The following TRIM62 variants were observed in gnomAD, a reference collection of about 807,000 sequenced individuals.
The protein encoded by TRIM62 is E3 ubiquitin-protein ligase TRIM62.
In TRIM62, 39 loss-of-function variants were observed where a neutral mutation model predicts 44.2. That is an observed-to-expected ratio of 0.88 (90% CI 0.68 to 1.15). The LOEUF (loss-of-function observed/expected upper bound fraction) is 1.15, where lower values mean the gene tolerates loss of function less well. Among genes scored for constraint, TRIM62 ranks in the 50% most tolerant of loss-of-function variants. TRIM62 has a pLI of 0.00. For synonymous variants in TRIM62, 278 were observed against 292.3 expected, an observed-to-expected ratio of 0.95 and a Z score of 0.50; for missense variants, 544 against 665.5, an observed-to-expected ratio of 0.82 and a Z score of 2.01.
rs1645030871 is a variant in TRIM62, at chr1:33,147,171, C to T, written c.*6G>A. 1 of 1,612,130 alleles carries T rather than the reference C, an allele frequency of 6.2e-7. No individual in the cohort carries two copies. Among genetic ancestry groups the T allele is most frequent in the South Asian group, 1.1e-5 (1 of 90,900 alleles). On this transcript the variant is annotated 3_prime_UTR_variant, in exon 5 of 5. Coordinates refer to ENST00000291416, the MANE Select transcript of TRIM62 (RefSeq NM_018207.3). This position sits in a 1 kb window ranked among gnomAD's most constrained non-coding sequence, Gnocchi z 8.1. Reference sequence around the variant, plus strand: ...CCCAGGAGGTTGTGGTCTCCTTCTGCCTGGACTAGATGCGGACGGTGTTGA... The same window carrying T: ...CCCAGGAGGTTGTGGTCTCCTTCTGTCTGGACTAGATGCGGACGGTGTTGA...
At chr1:33,150,580 A>G (rs1645082048) in intron 4 of TRIM62, among the ~76,000 whole-genome samples, 1 of 152,236 alleles carries the variant, frequency 6.6e-6, no homozygotes, top group South Asian at 2.1e-4. Context: ...TCCTCTGTCC[A>G]GGGACATAGA....
intron 4 of TRIM62, among the ~76,000 whole-genome samples, chr1:33,156,093 G>C (rs1645174749): frequency 6.6e-6 from 1 of 152,190 alleles, no homozygotes; most frequent in South Asian, 2.1e-4. Flanking sequence ...AGCAGAAGCT[G>C]GCTCTCAGCC....
intron 1 of TRIM62, among the ~76,000 whole-genome samples, chr1:33,174,846 A>T (rs1645401259): frequency 1.3e-5 from 2 of 152,032 alleles, no homozygotes; most frequent in South Asian, 4.1e-4. Context: ...GGCCCAACAC[A>T]GGGCTGGCCC....
At chr1:33,154,809 A>AAT (rs1039766444) in intron 4 of TRIM62, among the ~76,000 whole-genome samples, 2 of 117,292 alleles carry the variant, frequency 1.7e-5, no homozygotes, top group Non-Finnish European at 3.5e-5. Flanking sequence ...AAAAAAAAAA[A>AAT]GTGGCCAGGC....
intron 4 of TRIM62, among the ~76,000 whole-genome samples, chr1:33,153,262 A>G (rs1645128327): frequency 6.6e-6 from 1 of 152,176 alleles, no homozygotes. Context: ...CCCCACAGAC[A>G]AAGAAAGGGG....
Position 33,159,806 on chromosome 1 carries a change from C to T in TRIM62, c.643G>A (p.Val215Ile), listed in dbSNP as rs762716572. The stretch of plus-strand genomic sequence containing the variant: ...CGCAGCTGCTGGCTGTAGCGCTGGA[C>T]TTTCTGCTCGATGTCGGTCAGCGTG... The part of the protein sequence containing the change: ...ARTLTDIEQK[V>I]QRYSQQLRKV... The change falls in exon 3 of 5, where the codon GTC becomes ATC. Residue 215 changes from valine (V) to isoleucine (I), a missense_variant. Coordinates refer to ENST00000291416, the MANE Select transcript of TRIM62 (RefSeq NM_018207.3). The surrounding 1 kb of genome is among the most constrained non-coding windows in gnomAD (Gnocchi z 4.2). The T allele has an allele frequency of 6.2e-7, 1 of 1,613,930 alleles. No homozygotes were observed. The highest frequency in any genetic ancestry group is 8.5e-7 in the Non-Finnish European group (1 of 1,179,990).
rs916729754 is a variant in TRIM62, at chr1:33,167,921, G to C, written c.409-2355C>G. Among the ~76,000 whole-genome samples the C allele has an allele frequency of 3.3e-5, 5 of 152,210 alleles. No individual in the cohort carries two copies. The highest frequency in any genetic ancestry group is 1.2e-4 in the African/African-American group (5 of 41,442). On this transcript the variant is annotated intron_variant, in intron 1 of 4. Coordinates refer to ENST00000291416, the MANE Select transcript of TRIM62 (RefSeq NM_018207.3). The surrounding 1 kb of genome is among the most constrained non-coding windows in gnomAD (Gnocchi z 4.2). Reference sequence around the variant, plus strand: ...ACTATTATGTACCAGGCACTGTTGAGGCACTGGGATTATGGCGAAGGACAA... The same window carrying C: ...ACTATTATGTACCAGGCACTGTTGACGCACTGGGATTATGGCGAAGGACAA...
chr1:33,162,365 A>G (rs1423189232), intron 2 of TRIM62, among the ~76,000 whole-genome samples: 1 of 152,226 alleles, frequency 6.6e-6, no homozygotes, highest in Admixed American at 6.5e-5. Context: ...CCTAGCTTGA[A>G]AGTGACCTCT....
chr1:33,154,626 C>T (rs1011509555), intron 4 of TRIM62, among the ~76,000 whole-genome samples: 4 of 151,146 alleles, frequency 2.6e-5, no homozygotes, highest in African/African-American at 4.9e-5. Context: ...GGTGAAACAC[C>T]GTCTCTACTA....
rs370511473 is a variant in TRIM62 at position 33,169,531 on chromosome 1, CT to C, written c.409-3966del. Among the ~76,000 whole-genome samples, 7 of 152,266 alleles carry C rather than the reference CT, an allele frequency of 4.6e-5. No homozygotes were observed. In the East Asian group the frequency reaches 1.2e-3, roughly 25 times the overall value. Reference sequence around the variant, plus strand: ...AGGGCAGATGTATAAATGCTTCCCCCTCTCACTCTCCCCATTGTGCCAGTCT... The same window carrying C: ...AGGGCAGATGTATAAATGCTTCCCCCCTCACTCTCCCCATTGTGCCAGTCT... On this transcript the variant is annotated intron_variant, in intron 1 of 4. Transcript: ENST00000291416.
intron 1 of TRIM62, among the ~76,000 whole-genome samples, chr1:33,172,796 G>C (rs995015190): frequency 3.3e-5 from 5 of 152,144 alleles, no homozygotes; most frequent in Non-Finnish European, 7.4e-5. Context: ...TCTGGTCCAG[G>C]GGACAAAGCA....
At position 33,159,765 on chromosome 1, in the gene TRIM62, T is replaced by C; in HGVS notation, c.684A>G (p.Gly228=). Residue 228 remains glycine (G), a synonymous_variant, in exon 3 of 5, where the codon GGA becomes GGG. Transcript: ENST00000291416. The surrounding 1 kb of genome is among the most constrained non-coding windows in gnomAD (Gnocchi z 4.2). ...CCAGCCGCTCCTGCAGGATCTGGGC[T>C]CCCTCCTGGACCTTGCGCAGCTGCT... ...YSQQLRKVQE[G]AQILQERLAE... is the part of the protein sequence containing the mutation. The C allele has an allele frequency of 6.2e-7, 1 of 1,613,616 alleles. No homozygotes were observed. The highest frequency in any genetic ancestry group is 8.5e-7 in the Non-Finnish European group (1 of 1,179,956).
chr1:33,149,617 G>A (rs1645069329), intron 4 of TRIM62, among the ~76,000 whole-genome samples: 1 of 150,276 alleles, frequency 6.7e-6, no homozygotes, highest in Non-Finnish European at 1.5e-5. Flanking sequence ...ACTATGCGCA[G>A]CTAATTTTTA....
chr1:33,153,912 C>T (rs982201473), intron 4 of TRIM62, among the ~76,000 whole-genome samples: 1 of 152,210 alleles, frequency 6.6e-6, no homozygotes, highest in Non-Finnish European at 1.5e-5. Context: ...CCTCACAGTT[C>T]ACAGTCTAGT....
rs1228703818 is a variant in TRIM62 at position 33,167,331 on chromosome 1, G to GA, written c.409-1766dup. 6.6e-6 allele frequency among the ~76,000 whole-genome samples: 1 copy of GA among 152,320 alleles called. No homozygotes were observed. Among genetic ancestry groups the GA allele is most frequent in the East Asian group, 1.9e-4 (1 of 5,190 alleles). ...AATGTGAGTTTCATGAGAGTAGTAG[G>GA]AATCTTGTCTGGCTTGTTCCCTGCC... is the stretch of plus-strand genomic sequence containing the variant. On this transcript the variant is annotated intron_variant, in intron 1 of 4. Transcript: ENST00000291416. The surrounding 1 kb of genome is among the most constrained non-coding windows in gnomAD (Gnocchi z 4.2).
chr1:33,170,990 G>C (rs1197101854), intron 1 of TRIM62, among the ~76,000 whole-genome samples: 1 of 152,204 alleles, frequency 6.6e-6, no homozygotes, highest in Non-Finnish European at 1.5e-5. Context: ...GCTTCTTTGT[G>C]TCTTCATCCC....
At chr1:33,169,542 C>T (rs1013296092) in intron 1 of TRIM62, among the ~76,000 whole-genome samples, 35 of 152,186 alleles carry the variant, frequency 2.3e-4, no homozygotes, top group African/African-American at 8.0e-4. Context: ...TCTCACTCTC[C>T]CCATTGTGCC....
intron 4 of TRIM62, among the ~76,000 whole-genome samples, chr1:33,157,382 G>C (rs1222403937): frequency 6.6e-6 from 1 of 152,068 alleles, no homozygotes; most frequent in East Asian, 1.9e-4. Context: ...ATACCTACGT[G>C]GCTCACTCTT....
In TRIM62 at chr1:33,147,153, G is replaced by A. The variant is rs746140347; in HGVS notation, c.*24C>T. The A allele has an allele frequency of 6.2e-7, 1 of 1,606,964 alleles. No homozygotes were observed. Among genetic ancestry groups the A allele is most frequent in the South Asian group, 1.1e-5 (1 of 90,226 alleles). On this transcript the variant is annotated 3_prime_UTR_variant, in exon 5 of 5. Coordinates refer to ENST00000291416, the MANE Select transcript of TRIM62 (RefSeq NM_018207.3). The surrounding 1 kb of genome is among the most constrained non-coding windows in gnomAD (Gnocchi z 8.1). ...CTTGCAGGTGGCAGTGGTCCCAGGA[G>A]GTTGTGGTCTCCTTCTGCCTGGACT...
Sources: gnomAD v4.1 joint callset for allele counts (sites outside exome capture counted in the v4.1 genomes callset) on GRCh38, gnomAD v4.1.1 for gene constraint, Gnocchi (gnomAD v3.1) non-coding constraint, MANE v1.5 for transcripts, NCBI Gene and HGNC (gene_info 2026-07-23, HGNC 2026-07-21) for gene names.